DCHS2: variants seen among roughly 807,000 people sequenced by gnomAD.
DCHS2 encodes dachsous cadherin-related 2.
In DCHS2, 142 loss-of-function variants were observed where a neutral mutation model predicts 182.4. The observed-to-expected ratio is 0.78, with a 90% CI of 0.68 to 0.89. The LOEUF is 0.89. Among genes scored for constraint, DCHS2 ranks in the 40% least tolerant of loss-of-function variants. The pLI, the probability that DCHS2 is intolerant of heterozygous loss-of-function variation, is 0.00. For missense variants in DCHS2, 4,319 were observed against 4,198.6 expected (o/e 1.03, Z -0.79); for synonymous variants, 1,740 against 1,663.3 (o/e 1.05, Z -1.12).
Position 154,236,569 on chromosome 4 carries a change from C to T in DCHS2, c.8083G>A (p.Gly2695Arg), listed in dbSNP as rs941252989. The change falls in exon 20 of 20, where the codon GGG becomes AGG. Residue 2695 changes from glycine to arginine, a missense_variant. Gly to Arg is a moderately radical substitution (Grantham distance 125). Transcript: ENST00000357232. ...TVVSANDRDTGSHAEIIYNII... is the reference protein window; with the variant it reads ...TVVSANDRDTRSHAEIIYNII... ...TTGTAGATGATTTCTGCATGTGACC[C>T]TGTGTCACGGTCATTTGCTGAGACC... 5 of 1,613,896 alleles carry T rather than the reference C, an allele frequency of 3.1e-6. No individual in the cohort carries two copies. The highest frequency in any genetic ancestry group is 4.2e-6 in the Non-Finnish European group (5 of 1,179,980).
rs560928193 is a variant in DCHS2 at position 154,296,043 on chromosome 4, G to A, written c.6463+1808C>T. 8.6e-5 allele frequency among the ~76,000 whole-genome samples: 13 copies of A among 151,880 alleles called. No individual in the cohort carries two copies. In the East Asian group the frequency reaches 1.7e-3, roughly 20 times the overall value. ...AAAGTCTGAGTATTTACTTTTAATC[G>A]GGGTATCAATATCATTCATAATTTC... On this transcript the variant is annotated intron_variant, in intron 13 of 19. Coordinates refer to ENST00000357232, the MANE Select transcript of DCHS2 (RefSeq NM_001358235.2).
Position 154,491,439 on chromosome 4 carries a change from G to C in DCHS2, c.-84C>G. 1 of 1,429,354 alleles carries C rather than the reference G, an allele frequency of 7.0e-7. No individual in the cohort carries two copies. Among genetic ancestry groups the C allele is most frequent in the East Asian group, 2.5e-5 (1 of 39,346 alleles). 88.5% of individuals were successfully genotyped at this position (1,429,354 alleles called of 1,614,324 possible). On this transcript the variant is annotated 5_prime_UTR_variant, in exon 1 of 20. Coordinates refer to ENST00000357232, the MANE Select transcript of DCHS2 (RefSeq NM_001358235.2). ...AGAAAAATCCAGGAGCCTCTTCAGT[G>C]TCTGAGCCAGAGAAGAAAAGACTTT...
intron 1 of DCHS2, among the ~76,000 whole-genome samples, chr4:154,485,143 G>T (rs544270014): frequency 3.9e-4 from 59 of 152,048 alleles, no homozygotes; most frequent in African/African-American, 1.4e-3. Context: ...TACAGGAAGA[G>T]ATTATAGAAA....
chr4:154,454,135 G>GCACA (rs35387812), intron 1 of DCHS2, among the ~76,000 whole-genome samples: 1 of 150,366 alleles, frequency 6.7e-6, no homozygotes, highest in South Asian at 2.1e-4. Context: ...ACATGCGCGC[G>GCACA]CACACACACA....
chr4:154,416,753 C>T (rs933162361), intron 1 of DCHS2, among the ~76,000 whole-genome samples: 2 of 152,156 alleles, frequency 1.3e-5, no homozygotes, highest in South Asian at 2.1e-4. Context: ...CACGGTTTCC[C>T]CGGTGCTGCT....
At chr4:154,351,341 C>A (rs539169747) in intron 3 of DCHS2, among the ~76,000 whole-genome samples, 1 of 152,180 alleles carries the variant, frequency 6.6e-6, no homozygotes, top group African/African-American at 2.4e-5. Context: ...GTCTAGAAAG[C>A]ATATTCAAAT....
chr4:154,393,845 A>C (rs1291180685), intron 1 of DCHS2, among the ~76,000 whole-genome samples: 1 of 152,108 alleles, frequency 6.6e-6, no homozygotes, highest in Non-Finnish European at 1.5e-5. Flanking sequence ...ATGAGGACTG[A>C]CTCTTAAGGT....
chr4:154,478,200 T>C (rs1351969132), intron 1 of DCHS2, among the ~76,000 whole-genome samples: 6 of 152,216 alleles, frequency 3.9e-5, no homozygotes, highest in Admixed American at 3.9e-4. Context: ...AGTAAAATTC[T>C]ACAGGCTTTA....
chr4:154,434,371 G>A (rs1230007397), intron 1 of DCHS2, among the ~76,000 whole-genome samples: 1 of 152,198 alleles, frequency 6.6e-6, no homozygotes, highest in Non-Finnish European at 1.5e-5. Flanking sequence ...GCAGTGAGGT[G>A]TGATTGTGCC....
At chr4:154,320,231 T>C in intron 9 of DCHS2, 148 bp downstream of exon 9, 1 of 1,320,428 alleles carries the variant, frequency 7.6e-7, no homozygotes, top group Non-Finnish European at 1.0e-6. Context: ...GCAAGGTAAA[T>C]AATATCTAGA....
At chr4:154,329,189 G>T (rs1340014712) in intron 6 of DCHS2, among the ~76,000 whole-genome samples, 1 of 152,122 alleles carries the variant, frequency 6.6e-6, no homozygotes, top group African/African-American at 2.4e-5. Context: ...TTGCCGTTAA[G>T]AAGCTCTGCA....
chr4:154,376,337 A>G (rs1044433348), intron 2 of DCHS2, among the ~76,000 whole-genome samples: 1 of 152,180 alleles, frequency 6.6e-6, no homozygotes, highest in African/African-American at 2.4e-5. Flanking sequence ...CAGAAAGGAT[A>G]GGGTCAGCAA....
At chr4:154,478,511 C>A (rs925952786) in intron 1 of DCHS2, among the ~76,000 whole-genome samples, 4 of 152,014 alleles carry the variant, frequency 2.6e-5, no homozygotes, top group African/African-American at 9.7e-5. Context: ...GGCTGTGAAC[C>A]TGAGGTTGGG....
chr4:154,421,498 G>A (rs1372732386), intron 1 of DCHS2, among the ~76,000 whole-genome samples: 1 of 152,102 alleles, frequency 6.6e-6, no homozygotes, highest in Non-Finnish European at 1.5e-5. Flanking sequence ...TGGTTTAAGC[G>A]ATTCTCCTGC....
chr4:154,330,651 C>T (rs1196946757), intron 5 of DCHS2, among the ~76,000 whole-genome samples: 1 of 151,942 alleles, frequency 6.6e-6, no homozygotes, highest in African/African-American at 2.4e-5. Flanking sequence ...AACTTTTTTC[C>T]TCTTAATACA....
intron 9 of DCHS2, among the ~76,000 whole-genome samples, chr4:154,317,655 AT>A (rs1256936866): frequency 6.6e-6 from 1 of 152,092 alleles, no homozygotes; most frequent in Non-Finnish European, 1.5e-5. Flanking sequence ...GAGTTTATTA[AT>A]TTTTCAATAT....
At chr4:154,433,395 C>CTTGTT (rs1733643815) in intron 1 of DCHS2, among the ~76,000 whole-genome samples, 1 of 103,868 alleles carries the variant, frequency 9.6e-6, no homozygotes, top group Non-Finnish European at 1.9e-5. Context: ...TTTTTTTTTC[C>CTTGTT]TTTTTTTTTT....
intron 3 of DCHS2, chr4:154,357,179 G>T: frequency 1.5e-6 from 2 of 1,370,206 alleles, no homozygotes; most frequent in Non-Finnish European, 2.1e-6. Flanking sequence ...TTTGGTGAAT[G>T]CTTCTGACTC....
intron 1 of DCHS2, among the ~76,000 whole-genome samples, chr4:154,419,801 T>C (rs1733026476): frequency 6.8e-6 from 1 of 146,842 alleles, no homozygotes; most frequent in African/African-American, 2.5e-5. Context: ...TAGAACTAAA[T>C]GTTTGAACTA....
Sources: gnomAD v4.1 joint callset for allele counts (sites outside exome capture counted in the v4.1 genomes callset) on GRCh38, gnomAD v4.1.1 for gene constraint, MANE v1.5 for transcripts, NCBI Gene and HGNC (gene_info 2026-07-23, HGNC 2026-07-21) for gene names.